Variants in SRC observed in about 807,000 individuals in gnomAD.
SRC encodes SRC proto-oncogene, non-receptor tyrosine kinase.
In SRC, 13 loss-of-function variants were observed where a neutral mutation model predicts 62.9. That is an observed-to-expected ratio of 0.21 (90% CI 0.13 to 0.33). The LOEUF (loss-of-function observed/expected upper bound fraction) is 0.33, where lower values mean the gene tolerates loss of function less well. SRC is among the 10% of genes least tolerant of loss of function. The pLI is 1.00. For missense variants in SRC, 457 were observed against 737.3 expected (o/e 0.62, Z 4.40); for synonymous variants, 302 against 317.5 (o/e 0.95, Z 0.52).
At chr20:37,373,217 TAC>T (rs1015975319) in intron 2 of SRC, among the ~76,000 whole-genome samples, 1 of 124,246 alleles carries the variant, frequency 8.0e-6, no homozygotes, top group African/African-American at 3.6e-5. Flanking sequence ...TACACACATG[TAC>T]ATACGTACAC....
In SRC at chr20:37,397,868, C is replaced by A; in HGVS notation, c.859+14C>A. On this transcript the variant is annotated intron_variant, in intron 9 of 13. Transcript: ENST00000373578. The surrounding 1 kb of genome is among the most constrained non-coding windows in gnomAD (Gnocchi z 4.1). Reference sequence around the variant, plus strand: ...AGGTGTGGATGGGTAAGGCCTGGCCCCTGCCCTCGGGAGAGGCATCCACCC... The same window carrying A: ...AGGTGTGGATGGGTAAGGCCTGGCCACTGCCCTCGGGAGAGGCATCCACCC... 9 of 1,603,098 alleles carry A rather than the reference C, an allele frequency of 5.6e-6. No individual in the cohort carries two copies. Among genetic ancestry groups the A allele is most frequent in the Non-Finnish European group, 7.6e-6 (9 of 1,176,520 alleles).
intron 1 of SRC, among the ~76,000 whole-genome samples, chr20:37,349,287 G>C (rs759092393): frequency 2.0e-5 from 3 of 152,192 alleles, no homozygotes; most frequent in Admixed American, 6.5e-5. Context: ...TAGCAGCAAG[G>C]CTGGAGAGGA....
At chr20:37,379,023 G>A (rs1168224894) in intron 2 of SRC, among the ~76,000 whole-genome samples, 1 of 151,822 alleles carries the variant, frequency 6.6e-6, no homozygotes, top group African/African-American at 2.4e-5. Context: ...GGGGGTGGGG[G>A]GGAGATGCAG....
Position 37,403,331 on chromosome 20 carries a change from C to A in SRC, c.1563C>A (p.Asp521Glu). Reference sequence around the variant, plus strand: ...AGTACCTGCAGGCCTTCCTGGAGGACTACTTCACGTCCACCGAGCCCCAGT... The same window carrying A: ...AGTACCTGCAGGCCTTCCTGGAGGAATACTTCACGTCCACCGAGCCCCAGT... The part of the protein sequence containing the change: ...TFEYLQAFLE[D>E]YFTSTEPQYQ... The change falls in exon 14 of 14, where the codon GAC becomes GAA. Residue 521 changes from aspartate to glutamate, a missense_variant. Coordinates refer to ENST00000373578, the MANE Select transcript of SRC (RefSeq NM_198291.3). The surrounding 1 kb of genome is among the most constrained non-coding windows in gnomAD (Gnocchi z 7.1). 6.2e-7 allele frequency: 1 copy of A among 1,607,312 alleles called. No individual in the cohort carries two copies. Among genetic ancestry groups the A allele is most frequent in the Admixed American group, 1.7e-5 (1 of 59,180 alleles).
Position 37,400,030 on chromosome 20 carries a change from TG to T in SRC, c.860-83del, listed in dbSNP as rs2070714758. ...TGGCTGTGGAGGCCACAGCTGACAC[TG>T]GCGCCCAGGTGGGCAGATCCTGGAT... On this transcript the variant is annotated intron_variant, in intron 9 of 13. Coordinates refer to ENST00000373578, the MANE Select transcript of SRC (RefSeq NM_198291.3). 4 of 1,390,668 alleles carry T rather than the reference TG, an allele frequency of 2.9e-6. 1 individual carries two copies. In the South Asian group the frequency reaches 6.1e-5, roughly 21 times the overall value. 86.1% of individuals were successfully genotyped at this position (1,390,668 alleles called of 1,614,324 possible).
intron 2 of SRC, among the ~76,000 whole-genome samples, chr20:37,373,406 CGCATATAT>C (rs2070223912): frequency 6.8e-6 from 1 of 147,104 alleles, no homozygotes; most frequent in African/African-American, 2.6e-5. Flanking sequence ...CGTATATATA[CGCATATAT>C]ACGCATATAT....
At chr20:37,362,351 G>C (rs952917794) in intron 1 of SRC, among the ~76,000 whole-genome samples, 10 of 152,068 alleles carry the variant, frequency 6.6e-5, no homozygotes, top group Non-Finnish European at 1.2e-4. Context: ...GCAAGCCACT[G>C]CTCCTGGCCG....
At chr20:37,392,366 A>G (rs370484155) in intron 5 of SRC, among the ~76,000 whole-genome samples, 1 of 152,094 alleles carries the variant, frequency 6.6e-6, no homozygotes, top group African/African-American at 2.4e-5. Context: ...CAACTTCTCC[A>G]TCTTCTATAT....
At chr20:37,372,097 G>C (rs972149030) in intron 2 of SRC, among the ~76,000 whole-genome samples, 5 of 151,610 alleles carry the variant, frequency 3.3e-5, no homozygotes, top group African/African-American at 1.2e-4. Flanking sequence ...TCCGGGGCTT[G>C]AGCAGTCCTC....
At chr20:37,387,719 C>T (rs920502060) in intron 5 of SRC, among the ~76,000 whole-genome samples, 4 of 152,228 alleles carry the variant, frequency 2.6e-5, no homozygotes, top group African/African-American at 9.6e-5. Context: ...TTCTGGGTCC[C>T]CATAGCACCT....
chr20:37,402,583 G>A lies in SRC; in HGVS notation c.1265G>A (p.Arg422Gln), dbSNP rs759567556. 2 of 1,610,384 alleles carry A rather than the reference G, an allele frequency of 1.2e-6. No homozygotes were observed. Among genetic ancestry groups the A allele is most frequent in the Non-Finnish European group, 8.5e-7 (1 of 1,177,468 alleles). ...ATTGAAGACAATGAGTACACGGCGC[G>A]GCAAGGTGGGCAGGGGCTGTGTGGT... Reference protein sequence around the residue: ...RLIEDNEYTARQGAKFPIKWT... With the variant: ...RLIEDNEYTAQQGAKFPIKWT... Residue 422 changes from arginine to glutamine, a missense_variant, in exon 12 of 14, where the codon CGG becomes CAG. By Grantham distance (43) the Arg-to-Gln change is conservative. Around this residue, in one of 4 missense-constraint regions of SRC, gnomAD observed 168 missense variants for 357.8 expected, o/e 0.47. Coordinates refer to ENST00000373578, the MANE Select transcript of SRC (RefSeq NM_198291.3). The surrounding 1 kb of genome is among the most constrained non-coding windows in gnomAD (Gnocchi z 6.2).
chr20:37,397,981 A>G lies in SRC; in HGVS notation c.859+127A>G. ...TGACGGGGCCCTGTTGTAAATCTGG[A>G]GCTCCCCAGCGGTGGCTGGCACCGA... On this transcript the variant is annotated intron_variant, in intron 9 of 13. Transcript: ENST00000373578. The surrounding 1 kb of genome is among the most constrained non-coding windows in gnomAD (Gnocchi z 4.1). 7.9e-7 allele frequency: 1 copy of G among 1,261,620 alleles called. No individual in the cohort carries two copies. The highest frequency in any genetic ancestry group is 1.1e-6 in the Non-Finnish European group (1 of 933,414). 78.2% of individuals were successfully genotyped at this position (1,261,620 alleles called of 1,614,324 possible). A position where few individuals can be genotyped will look rare whatever the true frequency, so the allele number is the denominator to read the frequency against.
chr20:37,377,833 G>A (rs2147017634), intron 2 of SRC, among the ~76,000 whole-genome samples: 1 of 152,274 alleles, frequency 6.6e-6, no homozygotes, highest in East Asian at 1.9e-4. Flanking sequence ...ATGAAACATT[G>A]TGATGAATTT....
chr20:37,348,143 T>C (rs1329958680), intron 1 of SRC, among the ~76,000 whole-genome samples: 12 of 152,232 alleles, frequency 7.9e-5, no homozygotes, highest in Admixed American at 7.8e-4. Flanking sequence ...GTGCTGCTTA[T>C]CTGCCCTTGC....
Position 37,397,375 on chromosome 20 carries a change from G to C in SRC, c.704-324G>C, listed in dbSNP as rs757919681. Among the ~76,000 whole-genome samples, 1 of 152,210 alleles carries C rather than the reference G, an allele frequency of 6.6e-6. No individual in the cohort carries two copies. Among genetic ancestry groups the C allele is most frequent in the Non-Finnish European group, 1.5e-5 (1 of 68,040 alleles). On this transcript the variant is annotated intron_variant, in intron 8 of 13. Coordinates refer to ENST00000373578, the MANE Select transcript of SRC (RefSeq NM_198291.3). This position sits in a 1 kb window ranked among gnomAD's most constrained non-coding sequence, Gnocchi z 4.1. ...ATTCACATCTGTGGTCCTGGGAGGT[G>C]ATTAGGGAAGTGGGGCTCCTCCCTG...
chr20:37,382,597 C>G (rs906898770), intron 2 of SRC, 22 bp from the exon 3 acceptor site: 1 of 152,240 alleles, frequency 6.6e-6, no homozygotes, highest in East Asian at 1.9e-4. Flanking sequence ...GCTGAGATGT[C>G]TGCTTTATCC....
At position 37,404,547 on chromosome 20, in the gene SRC, T is replaced by C. The variant is rs2070794773; in HGVS notation, c.*1168T>C. 1 of 233,262 alleles carries C rather than the reference T, an allele frequency of 4.3e-6. No homozygotes were observed. The highest frequency in any genetic ancestry group is 5.6e-5 in the Admixed American group (1 of 17,780). The allele number at this position is 233,262 out of a possible 1,614,324, so 14.4% of individuals were successfully genotyped here. A position where few individuals can be genotyped will look rare whatever the true frequency, so the allele number is the denominator to read the frequency against. Reference sequence around the variant, plus strand: ...CCCCAAGTCGGCACCCTTTAACTCATGAGGAGGGAAAAGAGTGCCTAAGCG... The same window carrying C: ...CCCCAAGTCGGCACCCTTTAACTCACGAGGAGGGAAAAGAGTGCCTAAGCG... On this transcript the variant is annotated 3_prime_UTR_variant, in exon 14 of 14. Transcript: ENST00000373578.
chr20:37,353,145 C>T (rs73903485), intron 1 of SRC, among the ~76,000 whole-genome samples: 5,200 of 152,266 alleles, frequency 0.034, 295 homozygotes, highest in African/African-American at 0.12. Flanking sequence ...CTGTGCATCC[C>T]CAGCACCAGC....
rs1568628151 is a variant in SRC at position 37,373,216 on chromosome 20, G to GCACA, written c.-173+7939_-173+7940insCACA. ...CATATATGTACATATCTACACACAT[G>GCACA]TACATACGTACACACATGCACATAT... On this transcript the variant is annotated intron_variant, in intron 2 of 13. Coordinates refer to ENST00000373578, the MANE Select transcript of SRC (RefSeq NM_198291.3). 3.0e-3 allele frequency among the ~76,000 whole-genome samples: 380 copies of GCACA among 128,274 alleles called. 1 individual carries two copies. Among genetic ancestry groups the GCACA allele is most frequent in the African/African-American group, 0.011 (367 of 31,932 alleles). The allele number at this position is 128,274 out of a possible 152,430, so 84.2% of individuals were successfully genotyped here.
Sources: allele counts gnomAD v4.1 joint callset (sites outside exome capture counted in the v4.1 genomes callset), GRCh38; gene constraint gnomAD v4.1.1; regional missense constraint gnomAD v4.1.1; non-coding constraint Gnocchi (gnomAD v3.1); transcripts MANE v1.5; gene names NCBI Gene and HGNC (gene_info 2026-07-23, HGNC 2026-07-21).